NMI: variants seen among roughly 807,000 people sequenced by gnomAD.
The protein encoded by NMI is N-myc-interactor.
A neutral mutation model predicts 34.3 loss-of-function variants in NMI; 39 were observed. That is an observed-to-expected ratio of 1.14 (90% CI 0.88 to 1.49). The LOEUF is 1.49. Among genes scored for constraint, NMI ranks in the 40% most tolerant of loss-of-function variants. The probability of loss-of-function intolerance (pLI) is 0.00; values close to 1 mark genes in which losing one functional copy is unlikely to be tolerated. For missense variants in NMI, 339 were observed against 358.1 expected (o/e 0.95, Z 0.43); for synonymous variants, 113 against 120.3 (o/e 0.94, Z 0.40).
intron 1 of NMI, among the ~76,000 whole-genome samples, chr2:151,283,973 C>T: frequency 6.6e-6 from 1 of 152,188 alleles, no homozygotes; most frequent in East Asian, 1.9e-4. Flanking sequence ...CTAACCTCAC[C>T]ACTAGGTCTT....
chr2:151,286,301 A>G (rs1683495264), intron 1 of NMI, among the ~76,000 whole-genome samples: 1 of 152,218 alleles, frequency 6.6e-6, no homozygotes, highest in Non-Finnish European at 1.5e-5. Flanking sequence ...GGGGTTCTAC[A>G]ATACAACTGC....
intron 3 of NMI, among the ~76,000 whole-genome samples, chr2:151,280,430 G>A (rs908053827): frequency 6.6e-6 from 1 of 152,298 alleles, no homozygotes; most frequent in East Asian, 1.9e-4. Context: ...CATAACTCCA[G>A]TGGAACTTCT....
chr2:151,287,318 C>CACACACA (rs1558879034), intron 1 of NMI, among the ~76,000 whole-genome samples: 1 of 128,438 alleles, frequency 7.8e-6, no homozygotes, highest in African/African-American at 2.9e-5. Context: ...CTCTCTCTCT[C>CACACACA]TCACACACAT....
chr2:151,273,667 C>T (rs1434416991), intron 6 of NMI, among the ~76,000 whole-genome samples: 2 of 152,090 alleles, frequency 1.3e-5, no homozygotes, highest in Non-Finnish European at 2.9e-5. Context: ...GGACTATAGG[C>T]GTGAGCCAGC....
rs1167096096 is a variant in NMI, at chr2:151,278,915, T to C, written c.253A>G (p.Asn85Asp). The part of the protein sequence containing the change: ...ETPENDSQLS[N>D]ISCSFQVSSK... ...CTCACTTGAAACGAACAGGAGATAT[T>C]TGACAACTGGCTGTCATTCTCAGGA... The change falls in exon 4 of 8, where the codon AAT (asparagine) becomes GAT (aspartate). Residue 85 changes from asparagine (N) to aspartate (D), a missense_variant. Coordinates refer to ENST00000243346, the MANE Select transcript of NMI (RefSeq NM_004688.3). The C allele has an allele frequency of 1.2e-5, 20 of 1,612,314 alleles. No homozygotes were observed. Among genetic ancestry groups the C allele is most frequent in the Non-Finnish European group, 1.6e-5 (19 of 1,178,630 alleles).
At chr2:151,271,570 TG>T in intron 7 of NMI, 55 bp downstream of exon 7, 1 of 867,800 alleles carries the variant, frequency 1.2e-6, no homozygotes, top group East Asian at 2.4e-5. Flanking sequence ...CTTTATTTTT[TG>T]TGGGGTGGGT....
At chr2:151,287,036 A>T (rs921940290) in intron 1 of NMI, among the ~76,000 whole-genome samples, 1 of 152,146 alleles carries the variant, frequency 6.6e-6, no homozygotes, top group African/African-American at 2.4e-5. Context: ...TGAAATTCAC[A>T]TTGGATCTGA....
intron 1 of NMI, among the ~76,000 whole-genome samples, chr2:151,287,144 C>G (rs1209473996): frequency 6.6e-6 from 1 of 151,850 alleles, no homozygotes; most frequent in African/African-American, 2.4e-5. Flanking sequence ...AATATATACT[C>G]AAGTATATAA....
intron 4 of NMI, chr2:151,278,617 T>A: frequency 4.0e-6 from 2 of 498,936 alleles, no homozygotes; most frequent in Non-Finnish European, 7.2e-6. Flanking sequence ...AGTCCCACAG[T>A]CATGGCTTTC....
At chr2:151,279,239 T>C (rs1683343319) in intron 3 of NMI, among the ~76,000 whole-genome samples, 1 of 152,212 alleles carries the variant, frequency 6.6e-6, no homozygotes, top group Non-Finnish European at 1.5e-5. Context: ...TCTCACTTTT[T>C]TCTAATCAAT....
chr2:151,272,604 C>G (rs1054016048), intron 6 of NMI, among the ~76,000 whole-genome samples: 2 of 152,142 alleles, frequency 1.3e-5, no homozygotes, highest in South Asian at 2.1e-4. Flanking sequence ...AGCAGGGACT[C>G]GGACAGATAC....
intron 1 of NMI, among the ~76,000 whole-genome samples, chr2:151,283,395 T>A (rs942713317): frequency 6.6e-6 from 1 of 152,132 alleles, no homozygotes; most frequent in Non-Finnish European, 1.5e-5. Flanking sequence ...CCCCTCGGCC[T>A]CCCAAAGTGC....
intron 1 of NMI, among the ~76,000 whole-genome samples, chr2:151,283,592 C>T (rs1558877888): frequency 2.0e-5 from 3 of 152,168 alleles, no homozygotes. Flanking sequence ...TAAATGAATA[C>T]TATTTTGGTT....
At chr2:151,279,836 C>T (rs1327215283) in intron 3 of NMI, among the ~76,000 whole-genome samples, 1 of 151,982 alleles carries the variant, frequency 6.6e-6, no homozygotes, top group Admixed American at 6.6e-5. Context: ...AACACCTGCC[C>T]ATCAACTTTT....
chr2:151,274,316 C>T (rs1683242875), intron 6 of NMI, among the ~76,000 whole-genome samples: 1 of 128,108 alleles, frequency 7.8e-6, no homozygotes, highest in South Asian at 2.8e-4. Flanking sequence ...GCACTCCAGC[C>T]CGGGCGACAG....
chr2:151,278,621 G>A, intron 4 of NMI: 1 of 505,936 alleles, frequency 2.0e-6, no homozygotes, highest in South Asian at 2.1e-5. Context: ...CCACAGTCAT[G>A]GCTTTCTGAA....
intron 1 of NMI, 58 bp from the exon 2 acceptor site, chr2:151,283,012 A>C (rs1312456607): frequency 1.2e-6 from 1 of 845,914 alleles, no homozygotes. Context: ...ATTTAAGAAC[A>C]AAGAAATAAG....
intron 3 of NMI, among the ~76,000 whole-genome samples, chr2:151,281,488 C>T (rs528919777): frequency 3.3e-5 from 5 of 152,258 alleles, no homozygotes; most frequent in African/African-American, 1.2e-4. Context: ...TTTTACAAAG[C>T]TAACACACGT....
At chr2:151,279,959 G>A (rs13402019) in intron 3 of NMI, among the ~76,000 whole-genome samples, 1 of 151,970 alleles carries the variant, frequency 6.6e-6, no homozygotes, top group Admixed American at 6.6e-5. Context: ...ACTTTGGGAG[G>A]CCAAAGCAGG....
Sources: gnomAD v4.1 joint callset for allele counts (sites outside exome capture counted in the v4.1 genomes callset) on GRCh38, gnomAD v4.1.1 for gene constraint, MANE v1.5 for transcripts, NCBI Gene and HGNC (gene_info 2026-07-23, HGNC 2026-07-21) for gene names.